Variants in NRG1 observed in about 807,000 individuals in gnomAD.
NRG1 encodes pro-neuregulin-1, membrane-bound isoform.
A neutral mutation model predicts 63.8 loss-of-function variants in NRG1; 18 were observed. The observed-to-expected ratio is 0.28, with a 90% CI of 0.19 to 0.42. NRG1 has a LOEUF of 0.42. Among genes scored for constraint, NRG1 ranks in the 10% least tolerant of loss-of-function variants. NRG1 has a pLI of 1.00. For synonymous variants in NRG1, 302 were observed against 301.3 expected, an observed-to-expected ratio of 1.00 and a Z score of -0.02; for missense variants, 762 against 814.7, an observed-to-expected ratio of 0.94 and a Z score of 0.79.
chr8:31,841,368 G>A (rs1302642638), intron 1 of NRG1, among the ~76,000 whole-genome samples: 1 of 152,080 alleles, frequency 6.6e-6, no homozygotes, highest in Non-Finnish European at 1.5e-5. Flanking sequence ...AAAATGCTAA[G>A]TCATGGGGGG....
At chr8:32,414,914 C>A (rs1372678529) in intron 1 of NRG1, among the ~76,000 whole-genome samples, 2 of 152,048 alleles carry the variant, frequency 1.3e-5, no homozygotes, top group East Asian at 3.9e-4. Flanking sequence ...CAAGAAACTC[C>A]CTGGGCTTAG....
intron 1 of NRG1, among the ~76,000 whole-genome samples, chr8:32,439,431 T>C (rs1447468572): frequency 6.6e-6 from 1 of 152,154 alleles, no homozygotes; most frequent in Non-Finnish European, 1.5e-5. Context: ...CTTAACTGCC[T>C]TTTGATGAAA....
In NRG1 at chr8:31,691,594, C is replaced by CAAAAA. The variant is rs71208138; in HGVS notation, c.37+52186_37+52190dup. 2.2e-3 allele frequency among the ~76,000 whole-genome samples: 78 copies of CAAAAA among 34,990 alleles called. 17 individuals are homozygous for CAAAAA. The South Asian group carries it at 0.028, about 13-fold the overall frequency. 23.0% of individuals were successfully genotyped at this position (34,990 alleles called of 152,430 possible). A position where few individuals can be genotyped will look rare whatever the true frequency, so the allele number is the denominator to read the frequency against. On this transcript the variant is annotated intron_variant, in intron 1 of 10. Transcript: ENST00000519301. ...TGGGTGACAGAGTGAGACTCTGTCT[C>CAAAAA]AAAAAAAAAAAAAAAAAAAAAAAAA...
chr8:31,652,740 A>C (rs111364004), intron 1 of NRG1, among the ~76,000 whole-genome samples: 9 of 152,332 alleles, frequency 5.9e-5, no homozygotes, highest in African/African-American at 2.2e-4. Flanking sequence ...TATAGTCTTT[A>C]CAAATCTTCT....
intron 1 of NRG1, among the ~76,000 whole-genome samples, chr8:32,228,681 G>C (rs1430267955): frequency 6.6e-6 from 1 of 152,026 alleles, no homozygotes; most frequent in Non-Finnish European, 1.5e-5. Context: ...GAAAGCAAGA[G>C]TATTATACTC....
At chr8:32,206,627 C>T (rs1007242330) in intron 1 of NRG1, among the ~76,000 whole-genome samples, 1 of 152,172 alleles carries the variant, frequency 6.6e-6, no homozygotes, top group South Asian at 2.1e-4. Flanking sequence ...AATAATGCCC[C>T]TCCATGTCCA....
At chr8:32,602,831 G>A (rs1485473687) in intron 2 of NRG1, among the ~76,000 whole-genome samples, 1 of 152,116 alleles carries the variant, frequency 6.6e-6, no homozygotes, top group South Asian at 2.1e-4. Flanking sequence ...TGTCATGAAG[G>A]AAACTTGTCA....
intron 1 of NRG1, among the ~76,000 whole-genome samples, chr8:31,824,051 G>T (rs897984568): frequency 1.3e-5 from 2 of 151,606 alleles, no homozygotes; most frequent in African/African-American, 4.8e-5. Flanking sequence ...AAGTTTTAGG[G>T]TACATGTGCA....
intron 5 of NRG1, among the ~76,000 whole-genome samples, chr8:32,638,766 T>C (rs1438258799): frequency 2.6e-5 from 4 of 152,200 alleles, no homozygotes; most frequent in East Asian, 3.9e-4. Flanking sequence ...TTTTAAGTAA[T>C]AAAAATTGTA....
intron 1 of NRG1, among the ~76,000 whole-genome samples, chr8:31,771,896 AG>A (rs1246068049): frequency 6.6e-6 from 1 of 152,206 alleles, no homozygotes; most frequent in Non-Finnish European, 1.5e-5. Flanking sequence ...GTGCAAAAAT[AG>A]GTGTGAATGT....
chr8:32,429,023 G>T (rs1332577332), intron 1 of NRG1, among the ~76,000 whole-genome samples: 1 of 152,074 alleles, frequency 6.6e-6, no homozygotes, highest in East Asian at 1.9e-4. Flanking sequence ...TTAGGTTTTT[G>T]TTAGTGAACA....
chr8:31,942,366 T>C lies in NRG1; in HGVS notation c.37+302935T>C, dbSNP rs532802456. ...GGAATGAAACTGGATCTTCATCTCT[T>C]ATCCTATGCAAAAATCAACTCAAGA... On this transcript the variant is annotated intron_variant, in intron 1 of 10. Coordinates refer to the NRG1 transcript ENST00000519301. 4.5e-4 allele frequency among the ~76,000 whole-genome samples: 68 copies of C among 152,160 alleles called. No individual in the cohort carries two copies. The South Asian group carries it at 0.012, about 27-fold the overall frequency.
At chr8:31,698,239 T>TA (rs1208862802) in intron 1 of NRG1, among the ~76,000 whole-genome samples, 1 of 152,116 alleles carries the variant, frequency 6.6e-6, no homozygotes, top group Non-Finnish European at 1.5e-5. Context: ...CCAAAACACT[T>TA]AGAGATGTTT....
chr8:32,543,383 AG>A (rs1361947834), upstream of NRG1, among the ~76,000 whole-genome samples: 1 of 152,180 alleles, frequency 6.6e-6, no homozygotes, highest in Non-Finnish European at 1.5e-5. Context: ...GTGCATTGCC[AG>A]GGGACTGAGG....
chr8:32,101,056 G>A lies in NRG1; in HGVS notation c.37+461625G>A, dbSNP rs192002474. Among the ~76,000 whole-genome samples, 685 of 151,948 alleles carry A rather than the reference G, an allele frequency of 4.5e-3. 3 individuals carry two copies. The highest frequency in any genetic ancestry group is 0.016 in the South Asian group (78 of 4,808). On this transcript the variant is annotated intron_variant, in intron 1 of 10. Transcript: ENST00000519301. ...GCTTTTTTTTTCCTAGGCATTTTCC[G>A]GCATCTCATTTCTGACTATTAAATT...
intron 7 of NRG1, among the ~76,000 whole-genome samples, chr8:32,751,699 C>T (rs1047551976): frequency 2.0e-5 from 3 of 152,148 alleles, no homozygotes; most frequent in African/African-American, 7.2e-5. Flanking sequence ...CTTGAATCAG[C>T]TCATTCTAGT....
At chr8:31,761,675 G>A (rs183313779) in intron 1 of NRG1, among the ~76,000 whole-genome samples, 19 of 152,184 alleles carry the variant, frequency 1.2e-4, no homozygotes, top group Admixed American at 4.6e-4. Context: ...ACCATCTTGC[G>A]TGGGAGTGAT....
intron 7 of NRG1, among the ~76,000 whole-genome samples, chr8:32,752,718 AGTCT>A (rs1301293830): frequency 2.6e-5 from 4 of 151,968 alleles, no homozygotes; most frequent in Admixed American, 1.3e-4. Flanking sequence ...TCATTCTGTC[AGTCT>A]GTCTGTCCTC....
intron 1 of NRG1, among the ~76,000 whole-genome samples, chr8:31,863,245 A>G (rs1309409147): frequency 1.3e-5 from 2 of 152,212 alleles, no homozygotes; most frequent in Non-Finnish European, 2.9e-5. Context: ...AATACTAAAC[A>G]TTCTCATAGC....
Sources: allele counts gnomAD v4.1 joint callset (sites outside exome capture counted in the v4.1 genomes callset), GRCh38; gene constraint gnomAD v4.1.1; transcripts MANE v1.5; gene names NCBI Gene and HGNC (gene_info 2026-07-23, HGNC 2026-07-21).